The following CFAP61 variants were observed in gnomAD, a reference collection of about 807,000 sequenced individuals.
The protein encoded by CFAP61 is cilia and flagella associated protein 61.
In CFAP61, 107 loss-of-function variants were observed where a neutral mutation model predicts 135.6. The ratio of observed to expected loss-of-function variants is 0.79; its 90% confidence interval spans 0.67 to 0.93. The LOEUF is 0.93. CFAP61 is among the 40% of genes least tolerant of loss of function. CFAP61 has a pLI of 0.00. For synonymous variants in CFAP61, 575 were observed against 578.5 expected, an observed-to-expected ratio of 0.99 and a Z score of 0.09; for missense variants, 1,507 against 1,556.2, an observed-to-expected ratio of 0.97 and a Z score of 0.53.
chr20:20,162,127 G>A (rs576736692), intron 10 of CFAP61, among the ~76,000 whole-genome samples: 3 of 152,180 alleles, frequency 2.0e-5, no homozygotes, highest in African/African-American at 7.2e-5. Context: ...CATGCCCTGT[G>A]TCCCCTTCCT....
At chr20:20,302,208 T>A (rs2056151651) in intron 25 of CFAP61, among the ~76,000 whole-genome samples, 1 of 152,238 alleles carries the variant, frequency 6.6e-6, no homozygotes, top group Admixed American at 6.5e-5. Context: ...TTAGTATGGT[T>A]CTGTATTCTG....
intron 8 of CFAP61, among the ~76,000 whole-genome samples, chr20:20,124,949 G>A (rs751639441): frequency 1.3e-5 from 2 of 151,592 alleles, no homozygotes; most frequent in Non-Finnish European, 2.9e-5. Flanking sequence ...TAAGCTAGGA[G>A]GGTTTTATCT....
chr20:20,117,617 T>A lies in CFAP61; in HGVS notation c.859+18803T>A, dbSNP rs116261053. Among the ~76,000 whole-genome samples, 1,518 of 152,144 alleles carry A rather than the reference T, an allele frequency of 1.0e-2. 24 individuals are homozygous for A. The highest frequency in any genetic ancestry group is 0.035 in the African/African-American group (1,448 of 41,564). ...ATTTTAGCATTGTTTTTTCTGTTTC[T>A]ATGAAGAATGTCATTAGTATTTTGA... On this transcript the variant is annotated intron_variant, in intron 8 of 26. Transcript: ENST00000245957.
chr20:20,184,207 T>C (rs2055329884), intron 13 of CFAP61, among the ~76,000 whole-genome samples: 1 of 152,164 alleles, frequency 6.6e-6, no homozygotes, highest in Non-Finnish European at 1.5e-5. Flanking sequence ...ACAACACTCT[T>C]TATAACTCAG....
chr20:20,314,519 T>TAG (rs2057002852), intron 25 of CFAP61, among the ~76,000 whole-genome samples: 1 of 147,582 alleles, frequency 6.8e-6, no homozygotes, highest in African/African-American at 2.5e-5. Context: ...TTGTTTTTTT[T>TAG]TATTATTATT....
intron 6 of CFAP61, among the ~76,000 whole-genome samples, chr20:20,088,159 C>G (rs761325): frequency 0.66 from 99,596 of 152,034 alleles, 32,831 homozygotes; most frequent in East Asian, 0.82. Context: ...GCCCTTGCAT[C>G]ATGGAATAAG....
chr20:20,191,224 G>A (rs2055897697), intron 14 of CFAP61, 118 bp from the exon 15 acceptor site: 3 of 695,092 alleles, frequency 4.3e-6, no homozygotes, highest in Non-Finnish European at 7.2e-6. Flanking sequence ...AAAAGTAGGT[G>A]TTGATAGATG....
At chr20:20,156,314 A>T (rs1162945383) in intron 9 of CFAP61, among the ~76,000 whole-genome samples, 3 of 152,240 alleles carry the variant, frequency 2.0e-5, no homozygotes, top group Non-Finnish European at 1.5e-5. Context: ...CCATATGTTT[A>T]TCTCATAAAT....
chr20:20,070,972 TTC>T lies in CFAP61; in HGVS notation c.263_264del (p.Phe88SerfsTer6). 6 of 1,614,170 alleles carry T rather than the reference TTC, an allele frequency of 3.7e-6. No homozygotes were observed. The highest frequency in any genetic ancestry group is 5.1e-6 in the Non-Finnish European group (6 of 1,180,022). On this transcript the variant is annotated frameshift_variant, in exon 3 of 27. Coordinates refer to ENST00000245957, the MANE Select transcript of CFAP61 (RefSeq NM_015585.4). LOFTEE classifies it high-confidence loss of function. The stretch of plus-strand genomic sequence containing the variant: ...CAAGCAGGATGACTGGGTGTCAGTG[TTC>T]CGGGAGCTCGACAGTGACATCCCAT... ...VAKQDDWVSVFRELDSDIPCT... is the reference protein window; with the variant it reads ...VAKQDDWVSVXRELDSDIPCT...
chr20:20,199,989 CA>C, intron 17 of CFAP61, 87 bp downstream of exon 17: 1 of 1,461,996 alleles, frequency 6.8e-7, no homozygotes, highest in Non-Finnish European at 9.4e-7. Flanking sequence ...TTCACAGGAG[CA>C]GGCTGCTTCT....
intron 6 of CFAP61, among the ~76,000 whole-genome samples, chr20:20,080,807 T>C (rs184378301): frequency 1.3e-5 from 2 of 151,958 alleles, no homozygotes; most frequent in African/African-American, 4.8e-5. Flanking sequence ...ATTGAGACCA[T>C]CTTGGCCAAC....
intron 26 of CFAP61, among the ~76,000 whole-genome samples, chr20:20,342,845 TG>T (rs2058494785): frequency 6.6e-6 from 1 of 151,648 alleles, no homozygotes; most frequent in Non-Finnish European, 1.5e-5. Flanking sequence ...GAGGGGTTTT[TG>T]GAGTTTTTTG....
chr20:20,300,863 C>A (rs1220185658), intron 25 of CFAP61, among the ~76,000 whole-genome samples: 1 of 152,092 alleles, frequency 6.6e-6, no homozygotes, highest in Admixed American at 6.5e-5. Flanking sequence ...GCCTCCGCCT[C>A]CCAAAATGCT....
chr20:20,116,134 A>C (rs547379920), intron 8 of CFAP61, among the ~76,000 whole-genome samples: 2 of 152,264 alleles, frequency 1.3e-5, no homozygotes, highest in African/African-American at 4.8e-5. Flanking sequence ...GCACCATTTT[A>C]ACTGGGATGA....
chr20:20,057,798 A>G (rs912795933), intron 2 of CFAP61, among the ~76,000 whole-genome samples: 1 of 152,084 alleles, frequency 6.6e-6, no homozygotes, highest in African/African-American at 2.4e-5. Flanking sequence ...GCTCACTGCA[A>G]TCTCCGCCTC....
At chr20:20,273,841 G>A (rs997918869) in intron 21 of CFAP61, among the ~76,000 whole-genome samples, 1 of 152,256 alleles carries the variant, frequency 6.6e-6, no homozygotes, top group Non-Finnish European at 1.5e-5. Context: ...CCTGCCTGGA[G>A]GCTGGACAGT....
intron 6 of CFAP61, among the ~76,000 whole-genome samples, chr20:20,083,040 A>G (rs967923267): frequency 5.9e-5 from 9 of 152,224 alleles, no homozygotes; most frequent in African/African-American, 2.2e-4. Context: ...ATACATGTAT[A>G]CACACGTTTA....
chr20:20,161,142 A>C (rs1276524688), intron 10 of CFAP61, among the ~76,000 whole-genome samples: 1 of 152,082 alleles, frequency 6.6e-6, no homozygotes, highest in East Asian at 1.9e-4. Flanking sequence ...CCAGTTGGTC[A>C]CTCCCTGTGC....
intron 18 of CFAP61, chr20:20,228,581 A>G (rs1370499665): frequency 6.9e-6 from 3 of 432,318 alleles, no homozygotes; most frequent in East Asian, 6.5e-5. Flanking sequence ...TGGCTTGCCA[A>G]CTGCTTTTGT....
Sources: gnomAD v4.1 joint callset for allele counts (sites outside exome capture counted in the v4.1 genomes callset) on GRCh38, gnomAD v4.1.1 for gene constraint, MANE v1.5 for transcripts, NCBI Gene and HGNC (gene_info 2026-07-23, HGNC 2026-07-21) for gene names.